SMG6: variants seen among roughly 807,000 people sequenced by gnomAD.
SMG6 encodes telomerase-binding protein EST1A.
In SMG6, 66 loss-of-function variants were observed where a neutral mutation model predicts 142.2. That is an observed-to-expected ratio of 0.46 (90% CI 0.38 to 0.57). The LOEUF (loss-of-function observed/expected upper bound fraction) is 0.57. Among genes scored for constraint, SMG6 ranks in the 20% least tolerant of loss-of-function variants. The pLI, the probability that SMG6 is intolerant of heterozygous loss-of-function variation, is 0.00. For missense variants in SMG6, 1,793 were observed against 1,832.0 expected (o/e 0.98, Z 0.39); for synonymous variants, 779 against 702.4 (o/e 1.11, Z -1.72).
intron 10 of SMG6, among the ~76,000 whole-genome samples, chr17:2,227,951 T>C (rs764071094): frequency 6.6e-6 from 1 of 152,158 alleles, no homozygotes; most frequent in South Asian, 2.1e-4. Context: ...CATATGAACA[T>C]GGACAGAACT....
chr17:2,144,247 C>T (rs756590560), intron 13 of SMG6, among the ~76,000 whole-genome samples: 1 of 151,808 alleles, frequency 6.6e-6, no homozygotes, highest in African/African-American at 2.4e-5. Context: ...TCAGTAGAGA[C>T]GGGGTTTCGC....
chr17:2,092,492 G>A (rs1432242479), intron 13 of SMG6, among the ~76,000 whole-genome samples: 1 of 152,200 alleles, frequency 6.6e-6, no homozygotes, highest in Non-Finnish European at 1.5e-5. Context: ...ACCACCAGGT[G>A]TGTGCTGAAG....
intron 13 of SMG6, among the ~76,000 whole-genome samples, chr17:2,137,223 G>A (rs781110262): frequency 2.0e-5 from 3 of 152,116 alleles, no homozygotes; most frequent in South Asian, 2.1e-4. Context: ...ACCACGGAAC[G>A]CTTCTTGGTA....
chr17:2,300,715 A>T, intron 1 of SMG6, 51 bp from the exon 2 acceptor site: 1 of 1,474,392 alleles, frequency 6.8e-7, no homozygotes, highest in Admixed American at 2.3e-5. Flanking sequence ...GATAAGAATA[A>T]AGAAGGAAGA....
intron 9 of SMG6, among the ~76,000 whole-genome samples, chr17:2,243,572 T>C (rs937090140): frequency 2.6e-5 from 4 of 152,074 alleles, no homozygotes; most frequent in African/African-American, 7.2e-5. Flanking sequence ...TCCCAGCTAC[T>C]TGGGGGGCTG....
intron 9 of SMG6, among the ~76,000 whole-genome samples, chr17:2,239,005 G>A (rs1186488954): frequency 6.6e-6 from 1 of 152,164 alleles, no homozygotes; most frequent in Non-Finnish European, 1.5e-5. Context: ...ATAAAGAGAG[G>A]AACCCTCCTC....
At chr17:2,303,397 T>G (rs2151424253) in intron 1 of SMG6, 1 of 1,242,294 alleles carries the variant, frequency 8.0e-7, no homozygotes, top group Non-Finnish European at 1.0e-6. Context: ...AGAAAGAGGG[T>G]GGAGGCAGGA....
intron 10 of SMG6, among the ~76,000 whole-genome samples, chr17:2,194,978 G>T (rs7217687): frequency 3.9e-5 from 6 of 151,980 alleles, no homozygotes; most frequent in Non-Finnish European, 7.4e-5. Context: ...TCTGGGCCAA[G>T]TCCTGTCTTT....
chr17:2,176,548 G>T (rs967401390), intron 12 of SMG6, among the ~76,000 whole-genome samples: 18 of 152,234 alleles, frequency 1.2e-4, no homozygotes, highest in African/African-American at 4.3e-4. Flanking sequence ...ACAATATCCC[G>T]CTAAAGTTAG....
At position 2,247,645 on chromosome 17, in the gene SMG6, G is replaced by A. The variant is rs143945029; in HGVS notation, c.2662-2926C>T. On this transcript the variant is annotated intron_variant, in intron 8 of 18. Transcript: ENST00000263073. ...TCTACTAAAAATACAAAAATTAGCCGGGTGGTGGGTGCCTGTAATCCCAGC... is the reference window on the plus strand; with the variant it reads ...TCTACTAAAAATACAAAAATTAGCCAGGTGGTGGGTGCCTGTAATCCCAGC... Among the ~76,000 whole-genome samples, 96 of 151,398 alleles carry A rather than the reference G, an allele frequency of 6.3e-4. 1 individual carries two copies. The highest frequency in any genetic ancestry group is 2.1e-3 in the African/African-American group (88 of 41,294).
chr17:2,106,269 G>A (rs1210238270), intron 13 of SMG6, among the ~76,000 whole-genome samples: 2 of 152,086 alleles, frequency 1.3e-5, no homozygotes, highest in Non-Finnish European at 2.9e-5. Context: ...TGCTGTCTCT[G>A]GCTCAAAGTT....
chr17:2,241,758 T>C (rs1311253463), intron 9 of SMG6, among the ~76,000 whole-genome samples: 2 of 152,194 alleles, frequency 1.3e-5, no homozygotes, highest in Non-Finnish European at 2.9e-5. Context: ...TGTCAAAATA[T>C]AAGAATTTTA....
Position 2,244,496 on chromosome 17 carries a change from G to C in SMG6, c.2723+162C>G, listed in dbSNP as rs557068385. ...GAGTAATATTTACCAAATTTCATGAGCACAGTAGGACAGAAGATGAAGGGA... is the reference window on the plus strand; with the variant it reads ...GAGTAATATTTACCAAATTTCATGACCACAGTAGGACAGAAGATGAAGGGA... On this transcript the variant is annotated intron_variant, in intron 9 of 18. Coordinates refer to ENST00000263073, the MANE Select transcript of SMG6 (RefSeq NM_017575.5). Among the ~76,000 whole-genome samples, 10 of 152,282 alleles carry C rather than the reference G, an allele frequency of 6.6e-5. 2 individuals carry two copies. The highest frequency in any genetic ancestry group is 2.4e-4 in the African/African-American group (10 of 41,548).
At chr17:2,263,370 A>C (rs1367117510) in intron 8 of SMG6, among the ~76,000 whole-genome samples, 1 of 152,206 alleles carries the variant, frequency 6.6e-6, no homozygotes, top group African/African-American at 2.4e-5. Flanking sequence ...AGTACAAATC[A>C]GTAAAAGCAG....
chr17:2,080,666 C>T (rs546836435), intron 15 of SMG6, among the ~76,000 whole-genome samples: 2 of 150,556 alleles, frequency 1.3e-5, no homozygotes, highest in East Asian at 3.9e-4. Context: ...GATGGAGTCT[C>T]ACCCTGTAGC....
At chr17:2,222,811 A>G (rs183389084) in intron 10 of SMG6, among the ~76,000 whole-genome samples, 16 of 152,320 alleles carry the variant, frequency 1.1e-4, no homozygotes, top group Non-Finnish European at 2.4e-4. Context: ...CCATGTTTGC[A>G]AACACAGGTT....
At chr17:2,178,188 T>C (rs1356158704) in intron 12 of SMG6, among the ~76,000 whole-genome samples, 1 of 152,146 alleles carries the variant, frequency 6.6e-6, no homozygotes, top group Non-Finnish European at 1.5e-5. Flanking sequence ...GCTAGGTAGC[T>C]CAAGAGGCCC....
intron 15 of SMG6, among the ~76,000 whole-genome samples, chr17:2,073,994 G>A (rs920500142): frequency 3.3e-5 from 5 of 152,022 alleles, no homozygotes; most frequent in African/African-American, 9.6e-5. Flanking sequence ...CAGGAGAATC[G>A]CTTAAACCCG....
At chr17:2,163,633 TA>T (rs2151630482) in intron 13 of SMG6, among the ~76,000 whole-genome samples, 1 of 152,322 alleles carries the variant, frequency 6.6e-6, no homozygotes, top group Non-Finnish European at 1.5e-5. Flanking sequence ...ATCATGTTAT[TA>T]TCTACAAATA....
Sources: gnomAD v4.1 joint callset for allele counts (sites outside exome capture counted in the v4.1 genomes callset) on GRCh38, gnomAD v4.1.1 for gene constraint, MANE v1.5 for transcripts, NCBI Gene and HGNC (gene_info 2026-07-23, HGNC 2026-07-21) for gene names.